The following PHC2 variants were observed in gnomAD, a reference collection of about 807,000 sequenced individuals.
PHC2 encodes polyhomeotic homolog 2.
A neutral mutation model predicts 87.4 loss-of-function variants in PHC2; 29 were observed. The observed-to-expected ratio is 0.33, with a 90% CI of 0.25 to 0.45. PHC2 has a LOEUF of 0.45. PHC2 is among the 20% of genes least tolerant of loss of function. PHC2 has a pLI of 1.00. For synonymous variants in PHC2, 438 were observed against 461.7 expected, an observed-to-expected ratio of 0.95 and a Z score of 0.66; for missense variants, 857 against 1,136.7, an observed-to-expected ratio of 0.75 and a Z score of 3.54.
chr1:33,334,732 T>TA lies in PHC2; in HGVS notation c.1559-441dup, dbSNP rs1465204502. On this transcript the variant is annotated intron_variant, in intron 9 of 14. Coordinates refer to ENST00000683057, the MANE Select transcript of PHC2 (RefSeq NM_001385109.1). This position sits in a 1 kb window ranked among gnomAD's most constrained non-coding sequence, Gnocchi z 5.5. ...GCTAGGTATAGGGCTTTGAGTGTGATAAAGAGAAGCTTCTACGAGGTTCCT... is the reference window on the plus strand; with the variant it reads ...GCTAGGTATAGGGCTTTGAGTGTGATAAAAGAGAAGCTTCTACGAGGTTCCT... Among the ~76,000 whole-genome samples the TA allele has an allele frequency of 7.2e-5, 11 of 152,312 alleles. No individual in the cohort carries two copies. Among genetic ancestry groups the TA allele is most frequent in the African/African-American group, 2.6e-4 (11 of 41,578 alleles).
At chr1:33,388,498 T>C (rs1361133037) in intron 1 of PHC2, among the ~76,000 whole-genome samples, 1 of 152,008 alleles carries the variant, frequency 6.6e-6, no homozygotes, top group Non-Finnish European at 1.5e-5. Flanking sequence ...TAATTTTTTG[T>C]ATTTTTAGTA....
intron 1 of PHC2, among the ~76,000 whole-genome samples, chr1:33,384,952 G>A (rs1648666191): frequency 3.3e-5 from 5 of 152,154 alleles, no homozygotes; most frequent in South Asian, 2.1e-4. Context: ...TTAAAATACC[G>A]AAACACACTG....
chr1:33,352,052 T>C (rs1181312511), intron 9 of PHC2, among the ~76,000 whole-genome samples: 1 of 151,780 alleles, frequency 6.6e-6, no homozygotes, highest in East Asian at 1.9e-4. Context: ...TCTCATGAGA[T>C]AGGACCTCAA....
At position 33,331,492 on chromosome 1, in the gene PHC2, G is replaced by T; in HGVS notation, c.1892-30C>A. The stretch of plus-strand genomic sequence containing the variant: ...AAAGTATAGAAATGGGTAGGGTGGA[G>T]AATGAGAAATTCCTGCAGGACTGTG... On this transcript the variant is annotated intron_variant, in intron 11 of 14. Transcript: ENST00000683057. This position sits in a 1 kb window ranked among gnomAD's most constrained non-coding sequence, Gnocchi z 5.2. The T allele has an allele frequency of 1.5e-6, 2 of 1,333,900 alleles. No individual in the cohort carries two copies. The highest frequency in any genetic ancestry group is 2.2e-6 in the Non-Finnish European group (2 of 927,944). 82.6% of individuals were successfully genotyped at this position (1,333,900 alleles called of 1,614,324 possible). A position where few individuals can be genotyped will look rare whatever the true frequency, so the allele number is the denominator to read the frequency against.
chr1:33,422,490 G>T (rs1650469615), intron 1 of PHC2, among the ~76,000 whole-genome samples: 1 of 152,230 alleles, frequency 6.6e-6, no homozygotes, highest in Admixed American at 6.5e-5. Flanking sequence ...AGAAGATTTT[G>T]TCATGGCTTG....
chr1:33,356,254 T>TATATATAC (rs1355870471), intron 7 of PHC2, among the ~76,000 whole-genome samples: 10 of 33,888 alleles, frequency 3.0e-4, no homozygotes, highest in South Asian at 1.0e-3. Flanking sequence ...AATTCTTATA[T>TATATATAC]ATATATATAT....
chr1:33,426,166 A>G (rs1481934783), intron 1 of PHC2, among the ~76,000 whole-genome samples: 2 of 152,208 alleles, frequency 1.3e-5, no homozygotes, highest in Non-Finnish European at 2.9e-5. Context: ...TCACTTTCCT[A>G]TTTCTTTCCT....
intron 9 of PHC2, among the ~76,000 whole-genome samples, chr1:33,350,622 TTC>T (rs1426008554): frequency 6.6e-6 from 1 of 152,224 alleles, no homozygotes; most frequent in Non-Finnish European, 1.5e-5. Flanking sequence ...CGCCAGGCAC[TTC>T]TCTCCATTCT....
intron 9 of PHC2, among the ~76,000 whole-genome samples, chr1:33,341,988 C>T (rs1259902315): frequency 6.6e-6 from 1 of 152,222 alleles, no homozygotes; most frequent in Non-Finnish European, 1.5e-5. Flanking sequence ...AGGAACCTCT[C>T]TGAAGCACCT....
At chr1:33,347,841 C>A in intron 9 of PHC2, 1 of 599,458 alleles carries the variant, frequency 1.7e-6, no homozygotes, top group African/African-American at 2.0e-5. Context: ...GCGAAACAAG[C>A]CCGCCCTTGT....
chr1:33,411,679 G>C (rs551655314), intron 1 of PHC2, among the ~76,000 whole-genome samples: 1 of 152,136 alleles, frequency 6.6e-6, no homozygotes, highest in East Asian at 1.9e-4. Flanking sequence ...CCCTGCCTCA[G>C]CCTCCCGAGT....
At chr1:33,429,897 T>C (rs573082766) in intron 1 of PHC2, among the ~76,000 whole-genome samples, 13 of 152,366 alleles carry the variant, frequency 8.5e-5, no homozygotes, top group African/African-American at 3.1e-4. Flanking sequence ...TCTATTGATA[T>C]CACGGGCGCA....
At chr1:33,407,706 A>G (rs1468004624) in intron 1 of PHC2, among the ~76,000 whole-genome samples, 1 of 152,236 alleles carries the variant, frequency 6.6e-6, no homozygotes, top group Non-Finnish European at 1.5e-5. Flanking sequence ...TTTCATTCAG[A>G]CTAGTAAATG....
rs1036201534 is a variant in PHC2, at chr1:33,368,705, C to T, written c.577-83G>A. Reference sequence around the variant, plus strand: ...TGGCTGGGCCTGGAATCACAGGAAACGAGGCGCCTTTTACCTGCTCGATGT... The same window carrying T: ...TGGCTGGGCCTGGAATCACAGGAAATGAGGCGCCTTTTACCTGCTCGATGT... On this transcript the variant is annotated intron_variant, in intron 5 of 14. Coordinates refer to ENST00000683057, the MANE Select transcript of PHC2 (RefSeq NM_001385109.1). This position sits in a 1 kb window ranked among gnomAD's most constrained non-coding sequence, Gnocchi z 6.6. 2.6e-5 allele frequency: 27 copies of T among 1,019,478 alleles called. No individual in the cohort carries two copies. Among genetic ancestry groups the T allele is most frequent in the Admixed American group, 8.0e-5 (4 of 50,208 alleles). 63.2% of individuals were successfully genotyped at this position (1,019,478 alleles called of 1,614,324 possible). A position where few individuals can be genotyped will look rare whatever the true frequency, so the allele number is the denominator to read the frequency against.
At position 33,408,564 on chromosome 1, in the gene PHC2, G is replaced by A. The variant is rs1404204385; in HGVS notation, c.-55+22412C>T. 5.3e-5 allele frequency among the ~76,000 whole-genome samples: 8 copies of A among 152,246 alleles called. No individual in the cohort carries two copies. The South Asian group carries it at 8.3e-4, about 16-fold the overall frequency. On this transcript the variant is annotated intron_variant, in intron 1 of 14. Coordinates refer to ENST00000683057, the MANE Select transcript of PHC2 (RefSeq NM_001385109.1). ...CAACCTCCGCCTCCCAGATTCAAGCGATTCTCTTGCCTCTGCTTCCTGAGT... is the reference window on the plus strand; with the variant it reads ...CAACCTCCGCCTCCCAGATTCAAGCAATTCTCTTGCCTCTGCTTCCTGAGT...
At position 33,372,417 on chromosome 1, in the gene PHC2, T is replaced by C; in HGVS notation, c.205A>G (p.Ser69Gly). ...VIQQALHRQP[S>G]TAAQYLQQMY... ...TGCTGCAGGTACTGAGCGGCCGTGC[T>C]GGGCTGTCTGTGCAGGGCCTGCTGG... is the stretch of plus-strand genomic sequence containing the variant. Residue 69 changes from serine to glycine, a missense_variant, in exon 3 of 15, where the codon AGC (serine) becomes GGC (glycine). By Grantham distance (56) the Ser-to-Gly change is moderately conservative. Transcript: ENST00000683057. 1.9e-6 allele frequency: 3 copies of C among 1,596,294 alleles called. No individual in the cohort carries two copies. The highest frequency in any genetic ancestry group is 2.6e-6 in the Non-Finnish European group (3 of 1,169,340).
rs557431071 is a variant in PHC2, at chr1:33,381,542, A to G, written c.-54-5949T>C. Reference sequence around the variant, plus strand: ...CCTCCCTTATGGTATAGGTATGATTATCCCAATTTTGTCAATGAGAAATAT... The same window carrying G: ...CCTCCCTTATGGTATAGGTATGATTGTCCCAATTTTGTCAATGAGAAATAT... On this transcript the variant is annotated intron_variant, in intron 1 of 14. Transcript: ENST00000683057. Among the ~76,000 whole-genome samples, 7 of 152,178 alleles carry G rather than the reference A, an allele frequency of 4.6e-5. No individual in the cohort carries two copies. The South Asian group carries it at 1.5e-3, about 32-fold the overall frequency.
chr1:33,392,154 TGCACACATACGTGCACACAC>T lies in PHC2; in HGVS notation c.-54-16581_-54-16562del, dbSNP rs1442305620. On this transcript the variant is annotated intron_variant, in intron 1 of 14. Coordinates refer to ENST00000683057, the MANE Select transcript of PHC2 (RefSeq NM_001385109.1). ...AAATGAACTAGGTGCTTCAGCTGTG[TGCACACATACGTGCACACAC>T]ACACACACACACACATGCACATGCA... Among the ~76,000 whole-genome samples, 5 of 138,222 alleles carry T rather than the reference TGCACACATACGTGCACACAC, an allele frequency of 3.6e-5. No homozygotes were observed. In the East Asian group the frequency reaches 1.1e-3, roughly 30 times the overall value. 90.7% of individuals were successfully genotyped at this position (138,222 alleles called of 152,430 possible). A position where few individuals can be genotyped will look rare whatever the true frequency, so the allele number is the denominator to read the frequency against.
At chr1:33,337,283 G>A (rs1024102925) in intron 9 of PHC2, among the ~76,000 whole-genome samples, 10 of 152,122 alleles carry the variant, frequency 6.6e-5, no homozygotes. Flanking sequence ...TACCTCCAGC[G>A]ACAAAGAAAC....
Sources: allele counts gnomAD v4.1 joint callset (sites outside exome capture counted in the v4.1 genomes callset), GRCh38; gene constraint gnomAD v4.1.1; non-coding constraint Gnocchi (gnomAD v3.1); transcripts MANE v1.5; gene names NCBI Gene and HGNC (gene_info 2026-07-23, HGNC 2026-07-21).